SLCO1A2: variants seen among roughly 807,000 people sequenced by gnomAD.
The protein encoded by SLCO1A2 is solute carrier organic anion transporter family member 1A2, also known as OATP-1.
SLCO1A2 carries 67 observed loss-of-function variants against 69.0 expected under a neutral mutation model. The observed-to-expected ratio is 0.97, with a 90% CI of 0.80 to 1.19. The LOEUF is 1.19. Ranked by LOEUF, SLCO1A2 falls within the 50% of genes most tolerant of loss-of-function variation. The probability of loss-of-function intolerance (pLI) is 0.00; values close to 1 mark genes in which losing one functional copy is unlikely to be tolerated. For missense variants in SLCO1A2, 787 were observed against 793.7 expected (o/e 0.99, Z 0.10); for synonymous variants, 260 against 265.9 (o/e 0.98, Z 0.22).
chr12:21,372,345 C>G lies in SLCO1A2; in HGVS notation c.-63+2054G>C, dbSNP rs376402872. On this transcript the variant is annotated intron_variant, in intron 2 of 15. Coordinates refer to the SLCO1A2 transcript ENST00000307378. ...TTTTGTTTTGTTCCCTGTCATATCT[C>G]TGGTACCTAGAATAATCCCTACCAC... Among the ~76,000 whole-genome samples, 57 of 152,262 alleles carry G rather than the reference C, an allele frequency of 3.7e-4. 1 individual carries two copies. The South Asian group carries it at 0.011, about 28-fold the overall frequency.
chr12:21,284,323 C>T lies in SLCO1A2; in HGVS notation c.1610+7841G>A, dbSNP rs368958298. 4.7e-4 allele frequency among the ~76,000 whole-genome samples: 71 copies of T among 152,278 alleles called. No individual in the cohort carries two copies. The East Asian group carries it at 6.0e-3, about 13-fold the overall frequency. On this transcript the variant is annotated intron_variant, in intron 12 of 14. Transcript: ENST00000683939. ...CTCCCAGTGTGAGCGATGCAGAAGA[C>T]GGGTGATTTCTGCATTTCCATCTGA...
At chr12:21,294,227 T>G (rs962969395) in intron 10 of SLCO1A2, 117 bp from the exon 11 acceptor site, 1 of 824,308 alleles carries the variant, frequency 1.2e-6, no homozygotes, top group Non-Finnish European at 1.8e-6. Context: ...AAAGAGAAAT[T>G]TTCCAGTCAT....
At chr12:21,348,660 A>G (rs143192282) in intron 2 of SLCO1A2, among the ~76,000 whole-genome samples, 1 of 151,968 alleles carries the variant, frequency 6.6e-6, no homozygotes, top group Non-Finnish European at 1.5e-5. Context: ...CCTCACCCTC[A>G]TTTTCCATTG....
intron 2 of SLCO1A2, among the ~76,000 whole-genome samples, chr12:21,371,033 T>C (rs1031256272): frequency 3.3e-5 from 5 of 152,246 alleles, no homozygotes; most frequent in East Asian, 1.9e-4. Flanking sequence ...CTAACCCATA[T>C]GCAGAGAGTA....
intron 12 of SLCO1A2, among the ~76,000 whole-genome samples, chr12:21,278,504 C>T (rs1242312429): frequency 6.6e-6 from 1 of 152,154 alleles, no homozygotes; most frequent in African/African-American, 2.4e-5. Context: ...AGGGGTGCAT[C>T]ACCCTACCCC....
rs752272731 is a variant in SLCO1A2 at position 21,378,194 on chromosome 12, A to G, written c.-189-3669T>C. ...ATGTCACATGGCTGGATCCAGCTAA[A>G]ATTCTAAGGCTCTAACTTTTCACAT... On this transcript the variant is annotated intron_variant, in intron 1 of 15. Coordinates refer to the SLCO1A2 transcript ENST00000307378. 21 of 1,581,502 alleles carry G rather than the reference A, an allele frequency of 1.3e-5. No homozygotes were observed. The Admixed American group carries it at 3.0e-4, about 23-fold the overall frequency.
In SLCO1A2 at chr12:21,377,009, C is replaced by G. The variant is rs182754926; in HGVS notation, c.-189-2484G>C. Among the ~76,000 whole-genome samples, 59 of 152,088 alleles carry G rather than the reference C, an allele frequency of 3.9e-4. 1 individual carries two copies. In the East Asian group the frequency reaches 7.5e-3, roughly 19 times the overall value. On this transcript the variant is annotated intron_variant, in intron 1 of 15. Transcript: ENST00000307378. ...TTTAAAAGCACATTGAAACAAAAGGCTGTCAAAAAAATAGAGTTGGTATAC... is the reference window on the plus strand; with the variant it reads ...TTTAAAAGCACATTGAAACAAAAGGGTGTCAAAAAAATAGAGTTGGTATAC...
Position 21,313,986 on chromosome 12 carries a change from A to C in SLCO1A2, c.335+563T>G, listed in dbSNP as rs1047555095. ...CAAAAAAATAATAATAAATAATAAAAAAAAAAAACAGAAAAAAAAGAAAGA... is the reference window on the plus strand; with the variant it reads ...CAAAAAAATAATAATAAATAATAAACAAAAAAAACAGAAAAAAAAGAAAGA... On this transcript the variant is annotated intron_variant, in intron 4 of 14. Coordinates refer to ENST00000683939, the MANE Select transcript of SLCO1A2 (RefSeq NM_001386879.1). Among the ~76,000 whole-genome samples, 638 of 151,220 alleles carry C rather than the reference A, an allele frequency of 4.2e-3. 9 individuals are homozygous for C. Among genetic ancestry groups the C allele is most frequent in the African/African-American group, 0.015 (615 of 41,418 alleles).
upstream of SLCO1A2, among the ~76,000 whole-genome samples, chr12:21,335,632 A>T (rs7980167): frequency 0.11 from 16,280 of 152,112 alleles, 1,015 homozygotes; most frequent in Non-Finnish European, 0.15. Flanking sequence ...TAATTAATTA[A>T]GTCCTTTAAA....
intron 14 of SLCO1A2, chr12:21,273,796 G>A (rs1377618944): frequency 6.6e-6 from 1 of 152,152 alleles, no homozygotes; most frequent in Non-Finnish European, 1.5e-5. Flanking sequence ...GTGTCCTTTT[G>A]CTGATCAAGA....
At position 21,348,043 on chromosome 12, in the gene SLCO1A2, C is replaced by G. The variant is rs564259994; in HGVS notation, c.-62-13334G>C. ...TAGTGTTGCTAAATTCAACATCCAC[C>G]TTTTAGTCTTTCTCTTTTTCCATAT... On this transcript the variant is annotated intron_variant, in intron 2 of 15. Transcript: ENST00000307378. Among the ~76,000 whole-genome samples the G allele has an allele frequency of 7.2e-5, 11 of 152,234 alleles. No homozygotes were observed. In the East Asian group the frequency reaches 1.4e-3, roughly 19 times the overall value.
At chr12:21,395,008 AG>A (rs1203507872) in exon 1 of SLCO1A2, 1 of 153,150 alleles carries the variant, frequency 6.5e-6, no homozygotes, top group East Asian at 1.9e-4. Flanking sequence ...ATCAGGAACA[AG>A]GGGAGAGGAG....
chr12:21,323,762 A>G (rs191479190), intron 2 of SLCO1A2, among the ~76,000 whole-genome samples: 1 of 152,336 alleles, frequency 6.6e-6, no homozygotes, highest in South Asian at 2.1e-4. Context: ...AAGATGCCTC[A>G]TAATAGCTCA....
At chr12:21,281,460 GAA>G (rs1944783725) in intron 12 of SLCO1A2, among the ~76,000 whole-genome samples, 1 of 149,216 alleles carries the variant, frequency 6.7e-6, no homozygotes, top group Non-Finnish European at 1.5e-5. Context: ...AAAAAAAAAA[GAA>G]AAGAAAAAAA....
At chr12:21,365,750 A>T (rs1939325156) in intron 2 of SLCO1A2, among the ~76,000 whole-genome samples, 1 of 152,252 alleles carries the variant, frequency 6.6e-6, no homozygotes, top group South Asian at 2.1e-4. Flanking sequence ...ATATGAACAG[A>T]CACTTCTCAA....
At chr12:21,275,495 C>A (rs941536684) in intron 12 of SLCO1A2, 71 bp from the exon 13 acceptor site, 87 of 1,293,112 alleles carry the variant, frequency 6.7e-5, no homozygotes, top group Non-Finnish European at 8.0e-5. Context: ...CTTGAAAAGG[C>A]CAGTTGTAAG....
intron 2 of SLCO1A2, among the ~76,000 whole-genome samples, chr12:21,361,971 T>G (rs963720155): frequency 4.6e-5 from 7 of 152,100 alleles, no homozygotes; most frequent in Non-Finnish European, 7.4e-5. Context: ...AAAACACTCT[T>G]CAGGATATCA....
intron 2 of SLCO1A2, among the ~76,000 whole-genome samples, chr12:21,342,891 G>A (rs565162148): frequency 6.6e-6 from 1 of 152,122 alleles, no homozygotes; most frequent in African/African-American, 2.4e-5. Flanking sequence ...GATAGTACCA[G>A]TACTTGCGAT....
At chr12:21,298,351 T>C (rs1487985887) in intron 8 of SLCO1A2, among the ~76,000 whole-genome samples, 1 of 152,118 alleles carries the variant, frequency 6.6e-6, no homozygotes, top group African/African-American at 2.4e-5. Flanking sequence ...CCTCTAGTAA[T>C]GTGTGGCCTG....
Sources: allele counts gnomAD v4.1 joint callset (sites outside exome capture counted in the v4.1 genomes callset), GRCh38; gene constraint gnomAD v4.1.1; transcripts MANE v1.5; gene names NCBI Gene and HGNC (gene_info 2026-07-23, HGNC 2026-07-21).